The following SPTA1 variants were observed in gnomAD, a reference collection of about 807,000 sequenced individuals.
The protein encoded by SPTA1 is spectrin alpha, erythrocytic 1.
Under a neutral mutation model 324.7 loss-of-function variants are expected in SPTA1, and 177 were observed. That is an observed-to-expected ratio of 0.55 (90% confidence interval 0.48 to 0.62). The LOEUF (loss-of-function observed/expected upper bound fraction) is 0.62. Among genes scored for constraint, SPTA1 ranks in the 20% least tolerant of loss-of-function variants. The probability of loss-of-function intolerance (pLI) is 0.00; values close to 1 mark genes in which losing one functional copy is unlikely to be tolerated. For synonymous variants in SPTA1, 1,195 were observed against 1,041.3 expected (o/e 1.15, Z -2.84); for missense variants, 3,162 against 2,883.6 (o/e 1.10, Z -2.21).
chr1:158,679,867 A>C (rs1654673568), intron 5 of SPTA1, among the ~76,000 whole-genome samples: 1 of 152,208 alleles, frequency 6.6e-6, no homozygotes, highest in African/African-American at 2.4e-5. Context: ...AAAGAAAAAT[A>C]GGAAAACATA....
rs766344444 is a variant in SPTA1, at chr1:158,674,351, G to T, written c.1328C>A (p.Ala443Asp). ...TACCTTTTCCCGAACTTCATCAGAGGCTTCATGATTGGCATTCACGAGGTC... is the reference window on the plus strand; with the variant it reads ...TACCTTTTCCCGAACTTCATCAGAGTCTTCATGATTGGCATTCACGAGGTC... The part of the protein sequence containing the change: ...GQDLVNANHE[A>D]SDEVREKMEI... The change falls in exon 10 of 52, where the codon GCC (alanine) becomes GAC (aspartate). Residue 443 changes from alanine (A) to aspartate (D), a missense_variant. Ala to Asp is a moderately radical substitution (Grantham distance 126, BLOSUM62 -2). Coordinates refer to ENST00000643759, the MANE Select transcript of SPTA1 (RefSeq NM_003126.4). 6.2e-7 allele frequency: 1 copy of T among 1,614,026 alleles called. No homozygotes were observed. The highest frequency in any genetic ancestry group is 1.1e-5 in the South Asian group (1 of 91,076).
chr1:158,651,330 CCTGG>C, intron 24 of SPTA1, 33 bp downstream of exon 24: 1 of 1,429,774 alleles, frequency 7.0e-7, no homozygotes, highest in South Asian at 1.1e-5. Flanking sequence ...CAAAGCCCAA[CCTGG>C]TAGTGAGGAG....
chr1:158,683,632 C>G (rs1654965452), intron 2 of SPTA1, 136 bp from the exon 3 acceptor site: 1 of 1,152,554 alleles, frequency 8.7e-7, no homozygotes, highest in Non-Finnish European at 1.3e-6. Flanking sequence ...TTTCCTGTCC[C>G]CACTGGCTTT....
chr1:158,613,786 G>A lies in SPTA1; in HGVS notation c.6924C>T (p.Pro2308=). The change falls in exon 50 of 52, where the codon CCC becomes CCT. Residue 2308 remains proline, a synonymous_variant. Transcript: ENST00000643759. Reference sequence around the variant, plus strand: ...GCTCATGTTCATCCTCCTCCACCATGGGCAAGTAGTAATTGAGTCCTCTCA... The same window carrying A: ...GCTCATGTTCATCCTCCTCCACCATAGGCAAGTAGTAATTGAGTCCTCTCA... ...SCLRGLNYYL[P]MVEEDEHEPK... 2 of 1,613,784 alleles carry A rather than the reference G, an allele frequency of 1.2e-6. No individual in the cohort carries two copies. Among genetic ancestry groups the A allele is most frequent in the Non-Finnish European group, 1.7e-6 (2 of 1,179,862 alleles).
In SPTA1 at chr1:158,643,420, C is replaced by T. The variant is rs746943178; in HGVS notation, c.4344G>A (p.Gly1448=). ...CAAAATGTTCTAGGTCAGTGATCTT[C>T]CCTTCCTAAATAAAGGAAAAGGAAA... The part of the protein sequence containing the change: ...DLDKAITAQE[G]KITDLEHFAE... Residue 1448 remains glycine (G), a synonymous_variant, in exon 31 of 52, where the codon GGG becomes GGA. Transcript: ENST00000643759. 5.6e-6 allele frequency: 9 copies of T among 1,613,326 alleles called. No homozygotes were observed. In the Admixed American group the frequency reaches 8.3e-5, roughly 15 times the overall value.
At chr1:158,654,353 TTC>T (rs1439549146) in intron 21 of SPTA1, among the ~76,000 whole-genome samples, 1 of 152,184 alleles carries the variant, frequency 6.6e-6, no homozygotes, top group East Asian at 1.9e-4. Flanking sequence ...CACTCATACT[TTC>T]TATATCTTTG....
intron 39 of SPTA1, among the ~76,000 whole-genome samples, chr1:158,630,223 G>C (rs1380686814): frequency 6.6e-6 from 1 of 151,916 alleles, no homozygotes; most frequent in Admixed American, 6.6e-5. Flanking sequence ...AAAGCTGAAG[G>C]AATCACACTT....
rs1174094355 is a variant in SPTA1 at position 158,677,747 on chromosome 1, T to A, written c.900A>T (p.Glu300Asp). The A allele has an allele frequency of 6.2e-7, 1 of 1,613,606 alleles. No individual in the cohort carries two copies. Among genetic ancestry groups the A allele is most frequent in the African/African-American group, 1.3e-5 (1 of 74,888 alleles). ...GTCCCTTGTGACTGTGAAACAGTCC[T>A]TCAGAGGCAACAAGGTCTTTGCCAT... is the stretch of plus-strand genomic sequence containing the variant. ...EDYGKDLVAS[E>D]GLFHSHKGLE... is the part of the protein sequence containing the mutation. Residue 300 changes from glutamate (E) to aspartate (D), a missense_variant, in exon 7 of 52, where the codon GAA (glutamate) becomes GAT (aspartate). Glu to Asp is a conservative substitution (Grantham distance 45). Coordinates refer to ENST00000643759, the MANE Select transcript of SPTA1 (RefSeq NM_003126.4).
intron 18 of SPTA1, among the ~76,000 whole-genome samples, chr1:158,658,530 C>T (rs551778028): frequency 1.3e-5 from 2 of 152,192 alleles, no homozygotes; most frequent in African/African-American, 4.8e-5. Context: ...TATTGTAATA[C>T]ATGAGATAGG....
chr1:158,659,193 T>C lies in SPTA1; in HGVS notation c.2588-1499A>G, dbSNP rs993932687. Among the ~76,000 whole-genome samples the C allele has an allele frequency of 7.9e-5, 12 of 152,182 alleles. 1 individual carries two copies. Among genetic ancestry groups the C allele is most frequent in the Admixed American group, 7.2e-4 (11 of 15,300 alleles). On this transcript the variant is annotated intron_variant, in intron 18 of 51. Coordinates refer to ENST00000643759, the MANE Select transcript of SPTA1 (RefSeq NM_003126.4). Reference sequence around the variant, plus strand: ...ATATAACATGTAAAAATTTAAAATATGTGACACCAATAGCACAAGGGTGAA... The same window carrying C: ...ATATAACATGTAAAAATTTAAAATACGTGACACCAATAGCACAAGGGTGAA...
intron 1 of SPTA1, 75 bp from the exon 2 acceptor site, chr1:158,685,422 G>A (rs1655106303): frequency 5.7e-6 from 9 of 1,590,228 alleles, no homozygotes; most frequent in African/African-American, 2.7e-5. Flanking sequence ...ATGTGTCAAG[G>A]TGTTTACTCA....
rs577509180 is a variant in SPTA1 at position 158,615,893 on chromosome 1, T to C, written c.6601-490A>G. ...TCCACAGTGTTCACTCCTGGGCCAC[T>C]TTCATCAACTTGGGATGATTTTCAT... is the stretch of plus-strand genomic sequence containing the variant. On this transcript the variant is annotated intron_variant, in intron 47 of 51. Transcript: ENST00000643759. Among the ~76,000 whole-genome samples the C allele has an allele frequency of 1.2e-4, 19 of 152,302 alleles. No individual in the cohort carries two copies. The East Asian group carries it at 3.7e-3, about 29-fold the overall frequency.
At chr1:158,681,376 A>G in intron 4 of SPTA1, 151 bp downstream of exon 4, 1 of 1,187,314 alleles carries the variant, frequency 8.4e-7, no homozygotes, top group Non-Finnish European at 1.3e-6. Context: ...AGATACCCCT[A>G]CATTTTGGCC....
chr1:158,622,943 G>A (rs777265361), intron 43 of SPTA1, 40 bp downstream of exon 43: 3 of 1,537,734 alleles, frequency 2.0e-6, no homozygotes, highest in South Asian at 1.1e-5. Context: ...CTAATATACA[G>A]GTAACAGAGA....
At chr1:158,660,184 T>C (rs992226183) in intron 18 of SPTA1, among the ~76,000 whole-genome samples, 2 of 152,134 alleles carry the variant, frequency 1.3e-5, no homozygotes, top group African/African-American at 4.8e-5. Flanking sequence ...ATATTGATGA[T>C]TGCACTAAGT....
chr1:158,684,215 T>C (rs1213062421), intron 2 of SPTA1, among the ~76,000 whole-genome samples: 2 of 152,000 alleles, frequency 1.3e-5, no homozygotes, highest in Non-Finnish European at 1.5e-5. Flanking sequence ...TACTGAAACC[T>C]CTCATTAGAA....
chr1:158,651,476 G>T lies in SPTA1; in HGVS notation c.3376-8C>A. On this transcript the variant is annotated splice_region_variant and splice_polypyrimidine_tract_variant and intron_variant, in intron 23 of 51. Coordinates refer to ENST00000643759, the MANE Select transcript of SPTA1 (RefSeq NM_003126.4). The stretch of plus-strand genomic sequence containing the variant: ...CTCATTGGTATTCAAATCCTGAATG[G>T]GAAAATTCATCCAAAGCAGTGTAAA... 6.3e-7 allele frequency: 1 copy of T among 1,583,376 alleles called. No individual in the cohort carries two copies. The highest frequency in any genetic ancestry group is 8.7e-7 in the Non-Finnish European group (1 of 1,152,542).
intron 2 of SPTA1, 110 bp from the exon 3 acceptor site, chr1:158,683,606 A>T: frequency 1.4e-6 from 2 of 1,409,538 alleles, no homozygotes; most frequent in Non-Finnish European, 2.0e-6. Flanking sequence ...CCAGACTCAG[A>T]GGCCATAAAG....
rs143254163 is a variant in SPTA1 at position 158,626,376 on chromosome 1, T to C, written c.5834-154A>G. On this transcript the variant is annotated intron_variant, in intron 41 of 51. Transcript: ENST00000643759. Reference sequence around the variant, plus strand: ...ATATGTGAGCAGTGGGACCAATGGATCGTTTTTCTACCTAGGCAGGATAAA... The same window carrying C: ...ATATGTGAGCAGTGGGACCAATGGACCGTTTTTCTACCTAGGCAGGATAAA... Among the ~76,000 whole-genome samples, 844 of 152,298 alleles carry C rather than the reference T, an allele frequency of 5.5e-3. 7 individuals carry two copies. Among genetic ancestry groups the C allele is most frequent in the African/African-American group, 0.02 (812 of 41,552 alleles).
Sources: gnomAD v4.1 joint callset for allele counts (sites outside exome capture counted in the v4.1 genomes callset) on GRCh38, gnomAD v4.1.1 for gene constraint, MANE v1.5 for transcripts, NCBI Gene and HGNC (gene_info 2026-07-23, HGNC 2026-07-21) for gene names.